Variants in TENM2 observed in about 807,000 individuals in gnomAD.
TENM2 encodes the protein teneurin-2.
Under a neutral mutation model 245.2 loss-of-function variants are expected in TENM2, and 52 were observed. The observed-to-expected ratio is 0.21, with a 90% CI of 0.17 to 0.27. TENM2 has a LOEUF of 0.27. Ranked by LOEUF, TENM2 falls within the 10% of genes least tolerant of loss-of-function variation. TENM2 has a pLI of 1.00. For missense variants in TENM2, 3,046 were observed against 3,666.8 expected, an observed-to-expected ratio of 0.83 and a Z score of 4.37; for synonymous variants, 1,363 against 1,438.9, an observed-to-expected ratio of 0.95 and a Z score of 1.19.
chr5:167,292,117 C>G (rs910094917), intron 1 of TENM2, among the ~76,000 whole-genome samples: 1 of 152,218 alleles, frequency 6.6e-6, no homozygotes, highest in South Asian at 2.1e-4. Flanking sequence ...AAACTTACCC[C>G]CATGATTCAA....
intron 2 of TENM2, chr5:167,821,180 TG>T (rs1330137676): frequency 2.6e-5 from 4 of 152,234 alleles, no homozygotes; most frequent in Non-Finnish European, 4.4e-5. Flanking sequence ...TGTTTTGTTT[TG>T]TTTTGTTTTC....
chr5:168,165,588 C>T (rs1758155301), intron 13 of TENM2, among the ~76,000 whole-genome samples: 1 of 138,374 alleles, frequency 7.2e-6, no homozygotes, highest in African/African-American at 2.7e-5. Flanking sequence ...CTAAAAGAGG[C>T]TCACAGGGTC....
chr5:167,764,172 C>A (rs896694526), intron 2 of TENM2, among the ~76,000 whole-genome samples: 3 of 152,082 alleles, frequency 2.0e-5, no homozygotes, highest in Non-Finnish European at 4.4e-5. Flanking sequence ...ATTTGGGAGA[C>A]TGCTGAGTCT....
At chr5:167,560,218 G>T (rs956179244) in intron 2 of TENM2, among the ~76,000 whole-genome samples, 18 of 152,134 alleles carry the variant, frequency 1.2e-4, no homozygotes, top group African/African-American at 3.9e-4. Flanking sequence ...ACCACCCCAG[G>T]TGACTCTTGT....
intron 1 of TENM2, among the ~76,000 whole-genome samples, chr5:167,304,990 AG>A (rs1329482231): frequency 6.6e-6 from 1 of 151,970 alleles, no homozygotes; most frequent in African/African-American, 2.4e-5. Context: ...GTTGTTGAAC[AG>A]GGGATCCTAT....
intron 6 of TENM2, among the ~76,000 whole-genome samples, chr5:168,058,139 A>G (rs1195851088): frequency 2.6e-5 from 4 of 152,194 alleles, no homozygotes; most frequent in Non-Finnish European, 4.4e-5. Context: ...GTTATGCGTG[A>G]CAGGATGTCT....
intron 9 of TENM2, among the ~76,000 whole-genome samples, chr5:168,099,296 G>A (rs1793619748): frequency 6.6e-6 from 1 of 152,106 alleles, no homozygotes; most frequent in Admixed American, 6.6e-5. Context: ...AATAGTGAAG[G>A]GGCAGTTGAG....
intron 15 of TENM2, among the ~76,000 whole-genome samples, chr5:168,196,994 G>A (rs748600688): frequency 8.5e-5 from 13 of 152,260 alleles, no homozygotes; most frequent in South Asian, 4.1e-4. Flanking sequence ...GTCACAGGAC[G>A]TGCTTGAGAA....
intron 2 of TENM2, among the ~76,000 whole-genome samples, chr5:167,656,744 C>G (rs1258661900): frequency 2.6e-5 from 4 of 151,936 alleles, no homozygotes. Flanking sequence ...TTAAAGAAAT[C>G]CCAGTTAACT....
intron 2 of TENM2, among the ~76,000 whole-genome samples, chr5:167,798,516 A>G (rs1265734434): frequency 6.6e-6 from 1 of 152,190 alleles, no homozygotes; most frequent in Non-Finnish European, 1.5e-5. Context: ...GGGCCAGGGT[A>G]GACTGAAGAG....
At chr5:167,911,996 C>T (rs1175656598) in intron 3 of TENM2, among the ~76,000 whole-genome samples, 2 of 152,076 alleles carry the variant, frequency 1.3e-5, no homozygotes, top group Admixed American at 6.6e-5. Context: ...ACCTTGCACA[C>T]TTTTTTTGTA....
chr5:167,176,418 T>A, the TENM2 span, among the ~76,000 whole-genome samples: 3 of 152,214 alleles, frequency 2.0e-5, no homozygotes, highest in Admixed American at 1.3e-4. Flanking sequence ...TATCATTCTA[T>A]CTAACTGGGC....
chr5:167,476,680 C>G lies in TENM2; in HGVS notation c.502+101207C>G, dbSNP rs112167111. 3.9e-3 allele frequency among the ~76,000 whole-genome samples: 589 copies of G among 152,234 alleles called. 4 individuals are homozygous for G. Among genetic ancestry groups the G allele is most frequent in the African/African-American group, 0.014 (565 of 41,544 alleles). ...ATGGCATGGTCTTGGCTCACTGCAA[C>G]CTCTGCTGCCTGGATTCAAGCAATT... is the stretch of plus-strand genomic sequence containing the variant. On this transcript the variant is annotated intron_variant, in intron 2 of 28. Transcript: ENST00000518659.
chr5:167,687,838 A>G (rs1757175702), intron 2 of TENM2, among the ~76,000 whole-genome samples: 1 of 152,158 alleles, frequency 6.6e-6, no homozygotes, highest in Non-Finnish European at 1.5e-5. Flanking sequence ...ATAAACAAAT[A>G]AGCCAAGAAA....
chr5:167,353,634 T>A lies in TENM2; in HGVS notation c.227-21564T>A, dbSNP rs370932660. ...GCCATTCTCCTGCCTCAGCCTCCCA[T>A]GTAGCTGGGACAACAGGCGCCCGCC... On this transcript the variant is annotated intron_variant, in intron 1 of 28. Transcript: ENST00000518659. Among the ~76,000 whole-genome samples, 1,030 of 146,948 alleles carry A rather than the reference T, an allele frequency of 7.0e-3. 13 individuals are homozygous for A. Among genetic ancestry groups the A allele is most frequent in the African/African-American group, 0.023 (906 of 40,220 alleles).
At position 167,807,631 on chromosome 5, in the gene TENM2, A is replaced by ATTTT. The variant is rs1561803907; in HGVS notation, c.503-68355_503-68354insTTTT. ...TAATAAATGCATTTTTTTTAAAAAA[A>ATTTT]AAAAAAAAGAGACAGAACCTCTTAA... On this transcript the variant is annotated intron_variant, in intron 2 of 28. Transcript: ENST00000518659. 8.5e-4 allele frequency among the ~76,000 whole-genome samples: 93 copies of ATTTT among 108,876 alleles called. No homozygotes were observed. In the East Asian group the frequency reaches 0.012, roughly 14 times the overall value. The allele number at this position is 108,876 out of a possible 152,430, so 71.4% of individuals were successfully genotyped here.
chr5:167,188,138 C>T, the TENM2 span, among the ~76,000 whole-genome samples: 1 of 152,180 alleles, frequency 6.6e-6, no homozygotes, highest in Non-Finnish European at 1.5e-5. Flanking sequence ...GTGGTCTCTG[C>T]TGGGTCCCTA....
intron 2 of TENM2, among the ~76,000 whole-genome samples, chr5:167,572,775 C>A (rs1487160212): frequency 2.0e-5 from 3 of 152,084 alleles, no homozygotes; most frequent in African/African-American, 4.8e-5. Context: ...AAAAATGGAA[C>A]CTTCTTTAAA....
chr5:168,017,404 T>A (rs1172510959), intron 5 of TENM2, among the ~76,000 whole-genome samples: 2 of 152,206 alleles, frequency 1.3e-5, no homozygotes, highest in Non-Finnish European at 2.9e-5. Context: ...TATTTTTAGA[T>A]TGGCCAACTC....
Sources: allele counts gnomAD v4.1 joint callset (sites outside exome capture counted in the v4.1 genomes callset), GRCh38; gene constraint gnomAD v4.1.1; transcripts MANE v1.5; gene names NCBI Gene and HGNC (gene_info 2026-07-23, HGNC 2026-07-21).